Variants in CERS3 observed in about 807,000 individuals in gnomAD.
CERS3 encodes ceramide synthase 3, also known as LAG1 homolog, ceramide synthase 3.
In CERS3, 33 loss-of-function variants were observed where a neutral mutation model predicts 50.3. That is an observed-to-expected ratio of 0.66 (90% CI 0.50 to 0.88). The LOEUF is 0.88. Among genes scored for constraint, CERS3 ranks in the 40% least tolerant of loss-of-function variants. CERS3 has a pLI of 0.00. For missense variants in CERS3, 470 were observed against 460.3 expected, an observed-to-expected ratio of 1.02 and a Z score of -0.19; for synonymous variants, 176 against 155.2, an observed-to-expected ratio of 1.13 and a Z score of -0.99.
intron 2 of CERS3, among the ~76,000 whole-genome samples, chr15:100,513,978 A>AG (rs1342322563): frequency 6.6e-6 from 1 of 152,190 alleles, no homozygotes; most frequent in Non-Finnish European, 1.5e-5. Flanking sequence ...CCTGGCATAC[A>AG]GTAAGTGTAC....
intron 11 of CERS3, among the ~76,000 whole-genome samples, chr15:100,454,385 G>C (rs1368360662): frequency 3.3e-4 from 2 of 6,150 alleles, no homozygotes; most frequent in South Asian, 7.6e-3. Context: ...GCAAGGCATT[G>C]TCAAAAAAAA....
chr15:100,499,835 G>T (rs563838065), intron 3 of CERS3, among the ~76,000 whole-genome samples: 23 of 152,146 alleles, frequency 1.5e-4, no homozygotes, highest in Non-Finnish European at 2.8e-4. Flanking sequence ...GAAAGTCTAA[G>T]AATTACTGAA....
At chr15:100,429,339 A>G (rs2142113892) in intron 11 of CERS3, among the ~76,000 whole-genome samples, 1 of 152,322 alleles carries the variant, frequency 6.6e-6, no homozygotes, top group Middle Eastern at 3.4e-3. Context: ...TCTGGAGGCT[A>G]TCGGAGTAGC....
At chr15:100,468,081 AT>A (rs1394989843) in intron 10 of CERS3, among the ~76,000 whole-genome samples, 8 of 151,936 alleles carry the variant, frequency 5.3e-5, no homozygotes, top group Non-Finnish European at 1.2e-4. Flanking sequence ...GATGGTAATG[AT>A]TTATCAACCA....
chr15:100,487,236 C>T (rs2035514142), intron 4 of CERS3, among the ~76,000 whole-genome samples: 1 of 152,200 alleles, frequency 6.6e-6, no homozygotes, highest in Admixed American at 6.5e-5. Flanking sequence ...GTGAGGAAGA[C>T]ATGCTTAAAC....
intron 3 of CERS3, among the ~76,000 whole-genome samples, chr15:100,498,180 C>T (rs1035033710): frequency 6.6e-6 from 1 of 152,052 alleles, no homozygotes; most frequent in Non-Finnish European, 1.5e-5. Flanking sequence ...AGGCATGAGC[C>T]ACCGCGCCCG....
intron 11 of CERS3, among the ~76,000 whole-genome samples, chr15:100,435,951 G>C (rs2033383544): frequency 6.6e-6 from 1 of 152,160 alleles, no homozygotes; most frequent in South Asian, 2.1e-4. Context: ...CTAGAATGGT[G>C]ATCATTAAAA....
intron 11 of CERS3, among the ~76,000 whole-genome samples, chr15:100,439,970 T>A (rs572551181): frequency 5.9e-5 from 9 of 152,272 alleles, no homozygotes; most frequent in African/African-American, 2.2e-4. Flanking sequence ...CCATTAGAGA[T>A]CAGACATAGG....
chr15:100,406,762 C>A (rs935824364), intron 11 of CERS3, among the ~76,000 whole-genome samples: 1 of 152,154 alleles, frequency 6.6e-6, no homozygotes, highest in Non-Finnish European at 1.5e-5. Context: ...CAAAAGATTT[C>A]TGTAGAGAAC....
intron 9 of CERS3, 85 bp from the exon 10 acceptor site, chr15:100,469,569 T>C (rs1379989722): frequency 2.0e-5 from 19 of 957,890 alleles, no homozygotes; most frequent in Non-Finnish European, 2.7e-5. Flanking sequence ...ATATGAGGTC[T>C]GGGATTTGCT....
At chr15:100,426,370 C>A (rs1055900211) in intron 11 of CERS3, among the ~76,000 whole-genome samples, 1 of 152,100 alleles carries the variant, frequency 6.6e-6, no homozygotes, top group African/African-American at 2.4e-5. Context: ...TATATATCAG[C>A]TCATATCACT....
At chr15:100,482,273 A>G (rs1464600330) in intron 5 of CERS3, among the ~76,000 whole-genome samples, 1 of 152,214 alleles carries the variant, frequency 6.6e-6, no homozygotes, top group Non-Finnish European at 1.5e-5. Flanking sequence ...ACCCACTGAA[A>G]AGCCATTCAG....
chr15:100,401,188 G>A lies in CERS3; in HGVS notation c.*1525C>T, dbSNP rs985358345. The A allele has an allele frequency of 1.3e-5, 2 of 152,156 alleles. No homozygotes were observed. Among genetic ancestry groups the A allele is most frequent in the Admixed American group, 6.5e-5 (1 of 15,270 alleles). The allele number at this position is 152,156 out of a possible 1,614,324, so 9.4% of individuals were successfully genotyped here. A position where few individuals can be genotyped will look rare whatever the true frequency, so the allele number is the denominator to read the frequency against. On this transcript the variant is annotated 3_prime_UTR_variant, in exon 12 of 12. Transcript: ENST00000679737. ...GACCTCTCCTGTGGCTTTCTAGTACGAGCCCCTGAATAAATAGGATGAACA... is the reference window on the plus strand; with the variant it reads ...GACCTCTCCTGTGGCTTTCTAGTACAAGCCCCTGAATAAATAGGATGAACA...
chr15:100,441,655 C>G (rs1452281975), intron 11 of CERS3, among the ~76,000 whole-genome samples: 2 of 152,136 alleles, frequency 1.3e-5, no homozygotes, highest in East Asian at 3.9e-4. Flanking sequence ...TGCCGCTTGA[C>G]CCCAATACAA....
At chr15:100,507,006 C>A (rs1052157102) in intron 2 of CERS3, among the ~76,000 whole-genome samples, 1 of 152,106 alleles carries the variant, frequency 6.6e-6, no homozygotes, top group Non-Finnish European at 1.5e-5. Context: ...AACTTTTAAC[C>A]TTTACACCTT....
chr15:100,494,259 TTG>T (rs2035745001), intron 3 of CERS3, among the ~76,000 whole-genome samples: 3 of 16,822 alleles, frequency 1.8e-4, no homozygotes, highest in Non-Finnish European at 5.4e-4. Flanking sequence ...ATATATATAT[TTG>T]TTTTGAGATG....
At chr15:100,503,568 G>A (rs1284095951) in intron 2 of CERS3, 2 of 376,662 alleles carry the variant, frequency 5.3e-6, no homozygotes, top group Non-Finnish European at 5.5e-6. Context: ...CAGCTCCTCT[G>A]TGAGCCCATA....
intron 3 of CERS3, among the ~76,000 whole-genome samples, chr15:100,493,787 T>C (rs185605579): frequency 1.1e-3 from 166 of 152,328 alleles, no homozygotes; most frequent in African/African-American, 3.8e-3. Flanking sequence ...TCATGAAATT[T>C]TGATTTCAGT....
At chr15:100,417,617 C>G (rs1314468425) in intron 11 of CERS3, among the ~76,000 whole-genome samples, 1 of 152,018 alleles carries the variant, frequency 6.6e-6, no homozygotes, top group East Asian at 1.9e-4. Context: ...TAGGCTCCAC[C>G]TCTGGGGGCA....
Sources: allele counts gnomAD v4.1 joint callset (sites outside exome capture counted in the v4.1 genomes callset), GRCh38; gene constraint gnomAD v4.1.1; transcripts MANE v1.5; gene names NCBI Gene and HGNC (gene_info 2026-07-23, HGNC 2026-07-21).